The following GABBR2 variants were observed in gnomAD, a reference collection of about 807,000 sequenced individuals.
The protein encoded by GABBR2 is G-protein coupled receptor 51.
A neutral mutation model predicts 105.6 loss-of-function variants in GABBR2; 23 were observed. The observed-to-expected ratio is 0.22, with a 90% CI of 0.16 to 0.31. The LOEUF is 0.31. Among genes scored for constraint, GABBR2 ranks in the 10% least tolerant of loss-of-function variants. The pLI, the probability that GABBR2 is intolerant of heterozygous loss-of-function variation, is 1.00. For synonymous variants in GABBR2, 478 were observed against 499.7 expected (o/e 0.96, Z 0.58); for missense variants, 734 against 1,245.5 (o/e 0.59, Z 6.18).
chr9:98,456,904 T>C (rs1826334210), intron 6 of GABBR2, among the ~76,000 whole-genome samples: 1 of 152,254 alleles, frequency 6.6e-6, no homozygotes, highest in South Asian at 2.1e-4. Context: ...ATTTCCTAAT[T>C]ATGTTAGGTG....
At chr9:98,654,574 G>C (rs1830154057) in intron 1 of GABBR2, among the ~76,000 whole-genome samples, 1 of 152,190 alleles carries the variant, frequency 6.6e-6, no homozygotes, top group Non-Finnish European at 1.5e-5. Context: ...CCGAGGGTTA[G>C]AGGACATGCA....
At chr9:98,505,423 G>GGT (rs59702034) in intron 3 of GABBR2, among the ~76,000 whole-genome samples, 31,245 of 148,202 alleles carry the variant, frequency 0.21, 3,247 homozygotes, top group Middle Eastern at 0.29. Context: ...GCTGTATCCA[G>GGT]GTGTGTGTGT....
intron 1 of GABBR2, among the ~76,000 whole-genome samples, chr9:98,605,559 G>A (rs1829403555): frequency 6.6e-6 from 1 of 152,150 alleles, no homozygotes; most frequent in African/African-American, 2.4e-5. Context: ...TTTCTTAATG[G>A]ATCTTCTAAG....
At chr9:98,614,746 G>T (rs1030740828) in intron 1 of GABBR2, among the ~76,000 whole-genome samples, 2 of 144,706 alleles carry the variant, frequency 1.4e-5, no homozygotes, top group South Asian at 4.9e-4. Context: ...GAAGAAGGGG[G>T]AAAGGAGAAT....
chr9:98,344,709 G>A (rs1051254562), intron 13 of GABBR2, among the ~76,000 whole-genome samples: 2 of 152,208 alleles, frequency 1.3e-5, no homozygotes, highest in South Asian at 2.1e-4. Flanking sequence ...CCTCCTGTGC[G>A]CATGGCTGTT....
intron 1 of GABBR2, among the ~76,000 whole-genome samples, chr9:98,678,108 T>A (rs1378063301): frequency 6.6e-6 from 1 of 152,182 alleles, no homozygotes; most frequent in South Asian, 2.1e-4. Flanking sequence ...CTACAACCTA[T>A]AATAAATGGT....
intron 1 of GABBR2, among the ~76,000 whole-genome samples, chr9:98,628,738 A>G (rs1018747883): frequency 6.6e-6 from 1 of 152,032 alleles, no homozygotes; most frequent in African/African-American, 2.4e-5. Context: ...CTCATTCTCG[A>G]GATGTTTTTC....
intron 3 of GABBR2, among the ~76,000 whole-genome samples, chr9:98,533,975 T>C (rs1004046864): frequency 1.3e-5 from 2 of 152,186 alleles, no homozygotes; most frequent in Admixed American, 1.3e-4. Context: ...GGGTGGCTTC[T>C]AGATTAGATG....
intron 2 of GABBR2, among the ~76,000 whole-genome samples, chr9:98,568,309 G>T (rs1023784405): frequency 2.0e-5 from 3 of 152,126 alleles, no homozygotes; most frequent in Non-Finnish European, 4.4e-5. Context: ...CAAATGGGGG[G>T]GCAGAAATGG....
chr9:98,619,209 A>T (rs952150231), intron 1 of GABBR2, among the ~76,000 whole-genome samples: 5 of 152,150 alleles, frequency 3.3e-5, no homozygotes, highest in Non-Finnish European at 7.4e-5. Context: ...AGAAGGTAAT[A>T]AAAGAAACCT....
chr9:98,299,216 T>A lies in GABBR2; in HGVS notation c.2542+8A>T, dbSNP rs771825380. ...CCCTACCACATTCTGGGGCCCTGGC[T>A]CTCTTACCTGTGCTCTCAGTGAAGT... On this transcript the variant is annotated splice_region_variant and intron_variant, in intron 17 of 18. Transcript: ENST00000259455. 1 of 1,613,518 alleles carries A rather than the reference T, an allele frequency of 6.2e-7. No homozygotes were observed. The highest frequency in any genetic ancestry group is 1.1e-5 in the South Asian group (1 of 91,062).
chr9:98,493,953 G>T (rs1827226484), intron 4 of GABBR2, among the ~76,000 whole-genome samples: 1 of 152,174 alleles, frequency 6.6e-6, no homozygotes, highest in Non-Finnish European at 1.5e-5. Flanking sequence ...ATGAATAGAA[G>T]TCCAGATATT....
At chr9:98,642,072 A>G (rs539845491) in intron 1 of GABBR2, among the ~76,000 whole-genome samples, 23 of 152,212 alleles carry the variant, frequency 1.5e-4, no homozygotes, top group African/African-American at 5.3e-4. Context: ...TCCAGGGCGC[A>G]TTAAGTACAA....
At chr9:98,325,517 C>T (rs1830907445) in intron 13 of GABBR2, among the ~76,000 whole-genome samples, 1 of 152,076 alleles carries the variant, frequency 6.6e-6, no homozygotes, top group South Asian at 2.1e-4. Context: ...GTCTTGAACT[C>T]CTGACCTCAG....
chr9:98,670,990 A>G (rs1216001885), intron 1 of GABBR2, among the ~76,000 whole-genome samples: 2 of 152,220 alleles, frequency 1.3e-5, no homozygotes. Flanking sequence ...GGTAAGTTTG[A>G]TGTTATGTGT....
intron 1 of GABBR2, among the ~76,000 whole-genome samples, chr9:98,608,547 A>G (rs1412567299): frequency 6.6e-6 from 1 of 152,218 alleles, no homozygotes; most frequent in Admixed American, 6.5e-5. Context: ...TATGATAATT[A>G]TAATACAAAG....
intron 3 of GABBR2, among the ~76,000 whole-genome samples, chr9:98,508,794 C>A (rs989269324): frequency 6.6e-6 from 1 of 151,910 alleles, no homozygotes; most frequent in African/African-American, 2.4e-5. Flanking sequence ...GTGGAGCCCA[C>A]CACAGCTCAA....
chr9:98,450,991 C>G (rs1826220314), intron 7 of GABBR2, among the ~76,000 whole-genome samples: 1 of 152,200 alleles, frequency 6.6e-6, no homozygotes, highest in African/African-American at 2.4e-5. Flanking sequence ...GCTCTCTATT[C>G]ATCCATTTCA....
intron 1 of GABBR2, among the ~76,000 whole-genome samples, chr9:98,601,083 C>A (rs1461011923): frequency 6.6e-6 from 1 of 152,192 alleles, no homozygotes; most frequent in African/African-American, 2.4e-5. Flanking sequence ...CCCTGTGCCC[C>A]ACTGACCTCA....
Sources: gnomAD v4.1 joint callset for allele counts (sites outside exome capture counted in the v4.1 genomes callset) on GRCh38, gnomAD v4.1.1 for gene constraint, MANE v1.5 for transcripts, NCBI Gene and HGNC (gene_info 2026-07-23, HGNC 2026-07-21) for gene names.